EIF3L: variants seen among roughly 807,000 people sequenced by gnomAD.
EIF3L encodes eIEF associated protein HSPC021.
EIF3L carries 32 observed loss-of-function variants against 74.6 expected under a neutral mutation model. That is an observed-to-expected ratio of 0.43 (90% CI 0.32 to 0.58). The LOEUF is 0.58. Ranked by LOEUF, EIF3L falls within the 20% of genes least tolerant of loss-of-function variation. The pLI, the probability that EIF3L is intolerant of heterozygous loss-of-function variation, is 0.06. For synonymous variants in EIF3L, 256 were observed against 254.4 expected (o/e 1.01, Z -0.06); for missense variants, 474 against 707.8 (o/e 0.67, Z 3.75).
At chr22:37,876,170 A>G in intron 10 of EIF3L, 159 bp downstream of exon 10, 1 of 723,844 alleles carries the variant, frequency 1.4e-6, no homozygotes, top group South Asian at 2.0e-5. Flanking sequence ...CTAATAGATC[A>G]CCCAGCTGGA....
Position 37,877,741 on chromosome 22 carries a change from T to C in EIF3L, c.1145T>C (p.Ile382Thr), listed in dbSNP as rs746705075. ...GCCCTCACGATGTACCCCATGCGTA[T>C]TGATGAGAGCATTCACCTCCAGCTG... The part of the protein sequence containing the change: ...AIALTMYPMR[I>T]DESIHLQLRE... The change falls in exon 11 of 13, where the codon ATT becomes ACT. Residue 382 changes from isoleucine to threonine, a missense_variant. Ile to Thr is a moderately conservative substitution (Grantham distance 89). Transcript: ENST00000652021. 2 of 1,613,764 alleles carry C rather than the reference T, an allele frequency of 1.2e-6. No individual in the cohort carries two copies. The highest frequency in any genetic ancestry group is 1.7e-6 in the Non-Finnish European group (2 of 1,179,822).
chr22:37,865,167 C>A (rs145018821), intron 7 of EIF3L, among the ~76,000 whole-genome samples: 1 of 152,014 alleles, frequency 6.6e-6, no homozygotes, highest in African/African-American at 2.4e-5. Flanking sequence ...GAAATAGAGA[C>A]TACAAAACAT....
chr22:37,870,283 T>C lies in EIF3L; in HGVS notation c.687T>C (p.Asn229=). The part of the protein sequence containing the change: ...PKIWNVHSVL[N]VLHSLVDKSN... ...TCTGGAATGTTCATAGTGTCCTCAATGTCCTTCATTCCCTGGTAGACAAAT... is the reference window on the plus strand; with the variant it reads ...TCTGGAATGTTCATAGTGTCCTCAACGTCCTTCATTCCCTGGTAGACAAAT... Residue 229 remains asparagine (N), a synonymous_variant, in exon 8 of 13, where the codon AAT becomes AAC. Coordinates refer to ENST00000652021, the MANE Select transcript of EIF3L (RefSeq NM_016091.4). 2.5e-6 allele frequency: 4 copies of C among 1,614,060 alleles called. No homozygotes were observed. The highest frequency in any genetic ancestry group is 3.4e-6 in the Non-Finnish European group (4 of 1,179,972).
At chr22:37,853,749 CT>C (rs946707769) in intron 3 of EIF3L, among the ~76,000 whole-genome samples, 4 of 151,920 alleles carry the variant, frequency 2.6e-5, no homozygotes, top group African/African-American at 9.7e-5. Flanking sequence ...GATATTTGCC[CT>C]TTTTTTTCTT....
At chr22:37,885,825 A>G (rs913737553) in intron 11 of EIF3L, 6 of 150,682 alleles carry the variant, frequency 4.0e-5, no homozygotes, top group African/African-American at 1.2e-4. Flanking sequence ...TGAATTCCCA[A>G]CCTCCCAAAG....
At chr22:37,875,214 C>CAA (rs796421072) in intron 9 of EIF3L, among the ~76,000 whole-genome samples, 9 of 120,348 alleles carry the variant, frequency 7.5e-5, no homozygotes, top group Non-Finnish European at 1.3e-4. Flanking sequence ...GTTGAAAATA[C>CAA]AAAAAAAAAA....
chr22:37,869,357 C>T (rs1926352711), intron 7 of EIF3L, among the ~76,000 whole-genome samples: 1 of 151,994 alleles, frequency 6.6e-6, no homozygotes, highest in African/African-American at 2.4e-5. Flanking sequence ...TCTTGAGCTC[C>T]TGGACCCAAG....
At chr22:37,853,502 C>G (rs1221084248) in intron 3 of EIF3L, among the ~76,000 whole-genome samples, 1 of 152,132 alleles carries the variant, frequency 6.6e-6, no homozygotes, top group Non-Finnish European at 1.5e-5. Flanking sequence ...GGCATGGTGG[C>G]AGCATGCCTA....
chr22:37,865,673 GAGA>G (rs1319414647), intron 7 of EIF3L, among the ~76,000 whole-genome samples: 2 of 152,146 alleles, frequency 1.3e-5, no homozygotes, highest in Non-Finnish European at 2.9e-5. Context: ...AGTGCTCCTT[GAGA>G]AGGAGGCTTC....
At chr22:37,854,759 G>A (rs887823560) in intron 3 of EIF3L, among the ~76,000 whole-genome samples, 9 of 152,192 alleles carry the variant, frequency 5.9e-5, no homozygotes, top group Admixed American at 2.6e-4. Context: ...GAGCCAGCGC[G>A]CCTGGCCTGT....
intron 7 of EIF3L, among the ~76,000 whole-genome samples, chr22:37,866,324 C>A (rs1926148939): frequency 6.6e-6 from 1 of 152,126 alleles, no homozygotes. Context: ...TGATGATGAA[C>A]CTTTGGGTTG....
intron 4 of EIF3L, 85 bp downstream of exon 4, chr22:37,855,729 C>T: frequency 8.4e-7 from 1 of 1,183,548 alleles, no homozygotes; most frequent in Non-Finnish European, 1.2e-6. Context: ...GGGTCTGTGT[C>T]TGTTTTGCTC....
chr22:37,856,611 G>A (rs1311382157), intron 4 of EIF3L, among the ~76,000 whole-genome samples: 4 of 151,654 alleles, frequency 2.6e-5, no homozygotes, highest in Admixed American at 1.3e-4. Flanking sequence ...TTGGGAGGCC[G>A]AGGCGGGTGG....
intron 1 of EIF3L, 103 bp downstream of exon 1, chr22:37,849,585 C>T: frequency 7.5e-7 from 1 of 1,333,644 alleles, no homozygotes; most frequent in Non-Finnish European, 1.0e-6. Context: ...GCGGCCAGCT[C>T]CGGCCGACCT....
intron 11 of EIF3L, chr22:37,878,830 A>G (rs1057413977): frequency 2.6e-5 from 4 of 152,226 alleles, no homozygotes; most frequent in African/African-American, 7.2e-5. Flanking sequence ...AAAGGAAGGC[A>G]GAGGTGGTGG....
chr22:37,854,987 TA>T (rs148019355), intron 3 of EIF3L, among the ~76,000 whole-genome samples: 2,485 of 152,170 alleles, frequency 0.016, 71 homozygotes, highest in African/African-American at 0.056. Context: ...TATGTTGGAC[TA>T]AAAGAGCCAG....
intron 3 of EIF3L, among the ~76,000 whole-genome samples, chr22:37,854,892 T>C (rs1925418042): frequency 1.3e-5 from 2 of 152,080 alleles, no homozygotes; most frequent in Admixed American, 6.6e-5. Context: ...ACCCCTATCT[T>C]GTCCTCCCAA....
intron 5 of EIF3L, among the ~76,000 whole-genome samples, chr22:37,860,027 A>G (rs1287795150): frequency 6.6e-6 from 1 of 152,002 alleles, no homozygotes; most frequent in Non-Finnish European, 1.5e-5. Context: ...AGAAAAGAAA[A>G]ATGCCATCTG....
chr22:37,873,306 T>G (rs1017000610), intron 8 of EIF3L, among the ~76,000 whole-genome samples: 1 of 150,572 alleles, frequency 6.6e-6, no homozygotes, highest in African/African-American at 2.4e-5. Flanking sequence ...TTTTTTTGTT[T>G]TTTTTTTTTT....
Sources: allele counts gnomAD v4.1 joint callset (sites outside exome capture counted in the v4.1 genomes callset), GRCh38; gene constraint gnomAD v4.1.1; transcripts MANE v1.5; gene names NCBI Gene and HGNC (gene_info 2026-07-23, HGNC 2026-07-21).